Variants in NKAIN3 observed in about 807,000 individuals in gnomAD.
NKAIN3 encodes sodium/potassium transporting ATPase interacting 3.
Under a neutral mutation model 30.2 loss-of-function variants are expected in NKAIN3, and 25 were observed. The observed-to-expected ratio is 0.83, with a 90% confidence interval of 0.60 to 1.16. NKAIN3 has a LOEUF of 1.16. Among genes scored for constraint, NKAIN3 ranks in the 50% most tolerant of loss-of-function variants. The pLI is 0.00. For missense variants in NKAIN3, 225 were observed against 254.1 expected, an observed-to-expected ratio of 0.89 and a Z score of 0.78; for synonymous variants, 91 against 89.6, an observed-to-expected ratio of 1.02 and a Z score of -0.09.
chr8:62,412,627 G>T (rs1804279780), intron 1 of NKAIN3, among the ~76,000 whole-genome samples: 2 of 152,092 alleles, frequency 1.3e-5, no homozygotes, highest in Admixed American at 1.3e-4. Flanking sequence ...GGGTGCGGTG[G>T]CTCACAACTG....
rs990732430 is a variant in NKAIN3, at chr8:62,966,494, T to A, written c.*1087T>A. On this transcript the variant is annotated 3_prime_UTR_variant, in exon 7 of 7. Transcript: ENST00000623646. Reference sequence around the variant, plus strand: ...TATTAATGGTACGATTTGATTAGTTTTGAAAAATGTACATACCCATGTAAC... The same window carrying A: ...TATTAATGGTACGATTTGATTAGTTATGAAAAATGTACATACCCATGTAAC... 1.5e-6 allele frequency: 1 copy of A among 650,258 alleles called. No individual in the cohort carries two copies. The highest frequency in any genetic ancestry group is 1.9e-6 in the Non-Finnish European group (1 of 523,988). 40.3% of individuals were successfully genotyped at this position (650,258 alleles called of 1,614,324 possible). A position where few individuals can be genotyped will look rare whatever the true frequency, so the allele number is the denominator to read the frequency against.
At chr8:62,386,874 C>G (rs956243336) in intron 1 of NKAIN3, among the ~76,000 whole-genome samples, 30 of 150,268 alleles carry the variant, frequency 2.0e-4, no homozygotes, top group African/African-American at 6.6e-4. Context: ...ATTGTGAGGA[C>G]CCAGTGAAAT....
At chr8:62,312,823 CAA>C (rs56252388) in intron 1 of NKAIN3, among the ~76,000 whole-genome samples, 4 of 142,396 alleles carry the variant, frequency 2.8e-5, no homozygotes, top group Admixed American at 1.4e-4. Flanking sequence ...AACCTTGTCT[CAA>C]AAAAAAAAAA....
chr8:62,368,898 A>G (rs537949403), intron 1 of NKAIN3, among the ~76,000 whole-genome samples: 43 of 151,664 alleles, frequency 2.8e-4, no homozygotes, highest in African/African-American at 9.4e-4. Context: ...TGCCTATTCT[A>G]GGAAGAATAT....
intron 1 of NKAIN3, among the ~76,000 whole-genome samples, chr8:62,318,669 C>T (rs1814751298): frequency 1.3e-5 from 2 of 152,154 alleles, no homozygotes; most frequent in South Asian, 4.1e-4. Context: ...AGACTTGCAT[C>T]CCAGGGTTGA....
chr8:62,516,367 G>A (rs1169266899), intron 1 of NKAIN3, among the ~76,000 whole-genome samples: 1 of 152,054 alleles, frequency 6.6e-6, no homozygotes, highest in Non-Finnish European at 1.5e-5. Context: ...ACCCTGTCAT[G>A]TAGTATTTTC....
intron 1 of NKAIN3, among the ~76,000 whole-genome samples, chr8:62,555,043 C>CACACACACAA (rs1306113617): frequency 3.0e-5 from 4 of 133,528 alleles, no homozygotes; most frequent in African/African-American, 1.2e-4. Context: ...CACACACACA[C>CACACACACAA]ACACACACAC....
At chr8:62,742,053 A>C (rs565432914) in intron 3 of NKAIN3, among the ~76,000 whole-genome samples, 4 of 152,166 alleles carry the variant, frequency 2.6e-5, no homozygotes, top group African/African-American at 9.6e-5. Context: ...CTGAGTTCTT[A>C]GCTGGGACTC....
chr8:62,713,429 G>C (rs76265404), intron 3 of NKAIN3, among the ~76,000 whole-genome samples: 8,473 of 152,200 alleles, frequency 0.056, 430 homozygotes, highest in African/African-American at 0.14. Context: ...TCCTCCTCCA[G>C]TAATGCAACA....
intron 1 of NKAIN3, among the ~76,000 whole-genome samples, chr8:62,501,554 C>G (rs1807450600): frequency 6.6e-6 from 1 of 152,140 alleles, no homozygotes; most frequent in Non-Finnish European, 1.5e-5. Context: ...TGTTGTTCCT[C>G]CTATGGAGTC....
intron 5 of NKAIN3, among the ~76,000 whole-genome samples, chr8:62,928,735 G>A (rs1019447868): frequency 3.3e-5 from 5 of 152,178 alleles, no homozygotes; most frequent in East Asian, 1.9e-4. Context: ...TTTGGAAGCC[G>A]CACGTTTCAA....
chr8:62,282,717 G>T (rs1813245521), intron 1 of NKAIN3, among the ~76,000 whole-genome samples: 1 of 152,110 alleles, frequency 6.6e-6, no homozygotes, highest in Non-Finnish European at 1.5e-5. Context: ...AATTTTGTTT[G>T]TATTTGCCTG....
At chr8:62,803,031 T>C (rs1455707921) in intron 4 of NKAIN3, among the ~76,000 whole-genome samples, 1 of 152,126 alleles carries the variant, frequency 6.6e-6, no homozygotes, top group Non-Finnish European at 1.5e-5. Context: ...CATTATATAA[T>C]GGTAAAGGGA....
chr8:62,878,560 G>A (rs184937878), intron 4 of NKAIN3, among the ~76,000 whole-genome samples: 8 of 151,922 alleles, frequency 5.3e-5, no homozygotes, highest in Middle Eastern at 3.4e-3. Flanking sequence ...CATGTGCAAC[G>A]TGCAGGTTTG....
chr8:62,286,381 T>C (rs1813380624), intron 1 of NKAIN3, among the ~76,000 whole-genome samples: 1 of 152,136 alleles, frequency 6.6e-6, no homozygotes, highest in South Asian at 2.1e-4. Context: ...TAAAAGAAGA[T>C]ACAGTATTTT....
At chr8:62,736,054 T>C (rs186572730) in intron 3 of NKAIN3, among the ~76,000 whole-genome samples, 108 of 152,150 alleles carry the variant, frequency 7.1e-4, no homozygotes, top group African/African-American at 2.3e-3. Flanking sequence ...AGCAAGGGAG[T>C]GAAGTGGACT....
chr8:62,818,752 A>G (rs1818765047), intron 4 of NKAIN3, among the ~76,000 whole-genome samples: 1 of 152,124 alleles, frequency 6.6e-6, no homozygotes, highest in Admixed American at 6.6e-5. Context: ...GCCAGAACAC[A>G]GAAGAGGGAA....
chr8:62,823,248 A>AT (rs1399896454), intron 4 of NKAIN3, among the ~76,000 whole-genome samples: 6 of 152,136 alleles, frequency 3.9e-5, no homozygotes, highest in African/African-American at 1.4e-4. Context: ...AGGCGACAGG[A>AT]TTTTTTCAGC....
intron 3 of NKAIN3, among the ~76,000 whole-genome samples, chr8:62,665,130 C>T (rs1813059214): frequency 6.6e-6 from 1 of 152,166 alleles, no homozygotes; most frequent in Non-Finnish European, 1.5e-5. Flanking sequence ...TCCATTTTAA[C>T]AAGAACTCCA....
Sources: gnomAD v4.1 joint callset for allele counts (sites outside exome capture counted in the v4.1 genomes callset) on GRCh38, gnomAD v4.1.1 for gene constraint, MANE v1.5 for transcripts, NCBI Gene and HGNC (gene_info 2026-07-23, HGNC 2026-07-21) for gene names.